The following ITPR1 variants were observed in gnomAD, a reference collection of about 807,000 sequenced individuals.
The protein encoded by ITPR1 is inositol 1,4,5-trisphosphate receptor type 1.
Under a neutral mutation model 318.4 loss-of-function variants are expected in ITPR1, and 96 were observed. The observed-to-expected ratio is 0.30, with a 90% CI of 0.26 to 0.36. ITPR1 has a LOEUF of 0.36. ITPR1 is among the 10% of genes least tolerant of loss of function. The pLI, the probability that ITPR1 is intolerant of heterozygous loss-of-function variation, is 1.00. For synonymous variants in ITPR1, 1,312 were observed against 1,289.9 expected (o/e 1.02, Z -0.37); for missense variants, 2,440 against 3,460.2 (o/e 0.71, Z 7.40).
At chr3:4,632,180 G>T (rs192763372) in intron 5 of ITPR1, among the ~76,000 whole-genome samples, 24 of 152,288 alleles carry the variant, frequency 1.6e-4, no homozygotes, top group African/African-American at 5.8e-4. Flanking sequence ...GGTGGGGAAG[G>T]TTGGTCAGTC....
At chr3:4,711,998 G>A (rs924064159) in intron 39 of ITPR1, 130 bp downstream of exon 39, 1 of 522,318 alleles carries the variant, frequency 1.9e-6, no homozygotes. Context: ...AAGAAAGAAA[G>A]AAAGAAAAAG....
At chr3:4,661,121 C>T (rs757671443) in intron 14 of ITPR1, 34 bp downstream of exon 14, 1 of 1,244,904 alleles carries the variant, frequency 8.0e-7, no homozygotes, top group Admixed American at 1.7e-5. Flanking sequence ...TCCTTTTGGT[C>T]TCGTGTTTCC....
chr3:4,628,351 T>C (rs2092906910), intron 5 of ITPR1, among the ~76,000 whole-genome samples: 1 of 152,350 alleles, frequency 6.6e-6, no homozygotes, highest in East Asian at 1.9e-4. Context: ...AAATGCTTGA[T>C]AAGTTTTGGC....
intron 37 of ITPR1, among the ~76,000 whole-genome samples, chr3:4,709,274 C>T (rs896358967): frequency 3.9e-5 from 6 of 152,114 alleles, no homozygotes; most frequent in African/African-American, 1.4e-4. Context: ...GAAAATTGCC[C>T]CACTCAAAAT....
At chr3:4,645,971 C>T (rs1355976580) in intron 10 of ITPR1, 1 of 454,430 alleles carries the variant, frequency 2.2e-6, no homozygotes, top group Non-Finnish European at 4.0e-6. Flanking sequence ...GAAGTAAGTG[C>T]ATCATGGCAT....
intron 4 of ITPR1, among the ~76,000 whole-genome samples, chr3:4,541,519 G>A (rs745349513): frequency 6.0e-5 from 9 of 149,990 alleles, no homozygotes; most frequent in Non-Finnish European, 7.5e-5. Context: ...TATGAATATA[G>A]GTGTCAGTTT....
At chr3:4,581,907 T>C (rs1387926057) in intron 4 of ITPR1, among the ~76,000 whole-genome samples, 1 of 152,056 alleles carries the variant, frequency 6.6e-6, no homozygotes, top group Non-Finnish European at 1.5e-5. Flanking sequence ...AAATAGTCTG[T>C]TTGGGTCTTG....
rs2048171307 is a variant in ITPR1, at chr3:4,800,693, A to T, written c.7107+93A>T. The T allele has an allele frequency of 3.1e-6, 4 of 1,302,886 alleles. No homozygotes were observed. The East Asian group carries it at 7.0e-5, about 23-fold the overall frequency. The allele number at this position is 1,302,886 out of a possible 1,614,324, so 80.7% of individuals were successfully genotyped here. ...TTCTAGAATCCTGGCCTGTGCTTTC[A>T]GTCCAGAAAATTATTGTTTGGGGCA... On this transcript the variant is annotated intron_variant, in intron 54 of 61. Transcript: ENST00000649015.
intron 4 of ITPR1, among the ~76,000 whole-genome samples, chr3:4,544,057 A>T (rs1347214601): frequency 1.3e-5 from 2 of 150,028 alleles, no homozygotes; most frequent in African/African-American, 4.9e-5. Context: ...CTTTTTTTTT[A>T]AGACAACAAA....
chr3:4,676,423 G>A (rs757969573), intron 23 of ITPR1, among the ~76,000 whole-genome samples, 191 bp from the exon 24 acceptor site: 1 of 152,124 alleles, frequency 6.6e-6, no homozygotes, highest in Non-Finnish European at 1.5e-5. Flanking sequence ...TGAAGCCCGT[G>A]ATCTTTCTGT....
At chr3:4,644,281 C>A in intron 8 of ITPR1, 47 bp downstream of exon 8, 2 of 1,363,930 alleles carry the variant, frequency 1.5e-6, no homozygotes, top group Admixed American at 3.9e-5. Flanking sequence ...CCTGCAGGAG[C>A]GGGTCTGGCA....
Position 4,675,129 on chromosome 3 carries a change from G to C in ITPR1, c.2660G>C (p.Arg887Pro). 6.2e-7 allele frequency: 1 copy of C among 1,607,476 alleles called. No homozygotes were observed. Among genetic ancestry groups the C allele is most frequent in the South Asian group, 1.1e-5 (1 of 90,762 alleles). ...FGFYNFSDLL[R>P]LTKILLAILD... is the part of the protein sequence containing the mutation. ...TTCTACAACTTCTCTGACCTTCTAC[G>C]ATTAACTAAGATCCTTCTGGCCATA... The change falls in exon 23 of 62, where the codon CGA (arginine) becomes CCA (proline). Residue 887 changes from arginine to proline, a missense_variant. Arg to Pro is a moderately radical substitution (Grantham distance 103). Around this residue, in one of 23 missense-constraint regions of ITPR1, gnomAD observed 478 missense variants for 696.3 expected, o/e 0.69. Coordinates refer to ENST00000649015, the MANE Select transcript of ITPR1 (RefSeq NM_001378452.1).
intron 61 of ITPR1, among the ~76,000 whole-genome samples, chr3:4,843,796 GCAT>G (rs1298938340): frequency 1.3e-5 from 2 of 152,152 alleles, no homozygotes; most frequent in African/African-American, 4.8e-5. Context: ...AACTGAGGAG[GCAT>G]CAGGCCGCGG....
At chr3:4,717,274 G>A (rs1036924580) in intron 39 of ITPR1, 93 bp from the exon 40 acceptor site, 52 of 1,097,758 alleles carry the variant, frequency 4.7e-5, no homozygotes, top group African/African-American at 1.9e-4. Context: ...AAGGAGAAAC[G>A]TCAGCAATAA....
intron 4 of ITPR1, among the ~76,000 whole-genome samples, chr3:4,597,466 G>T (rs1294587345): frequency 6.6e-6 from 1 of 152,150 alleles, no homozygotes; most frequent in Non-Finnish European, 1.5e-5. Context: ...GTAAGGAAAT[G>T]ACACAGTAAT....
At position 4,652,200 on chromosome 3, in the gene ITPR1, G is replaced by T; in HGVS notation, c.933G>T (p.Gly311=). The T allele has an allele frequency of 6.2e-7, 1 of 1,611,534 alleles. No homozygotes were observed. Among genetic ancestry groups the T allele is most frequent in the Non-Finnish European group, 8.5e-7 (1 of 1,178,828 alleles). ...SLFRFKHLAT[G]HYLAAEVDPD... The stretch of plus-strand genomic sequence containing the variant: ...TCCGTTTCAAGCATCTGGCCACGGG[G>T]CATTACTTGGCAGCAGAGGTAAGTA... Residue 311 remains glycine, a synonymous_variant, in exon 11 of 62, where the codon GGG becomes GGT. Coordinates refer to ENST00000649015, the MANE Select transcript of ITPR1 (RefSeq NM_001378452.1).
intron 41 of ITPR1, among the ~76,000 whole-genome samples, chr3:4,726,717 G>T (rs148050637): frequency 6.6e-6 from 1 of 152,186 alleles, no homozygotes; most frequent in Non-Finnish European, 1.5e-5. Flanking sequence ...CTGCTCAGAG[G>T]CGTGTGTCTT....
At chr3:4,598,598 G>A (rs1159258568) in intron 4 of ITPR1, among the ~76,000 whole-genome samples, 17 of 152,162 alleles carry the variant, frequency 1.1e-4, no homozygotes, top group Admixed American at 1.1e-3. Flanking sequence ...CTTCAGCCTG[G>A]GAGATGGAGC....
intron 44 of ITPR1, among the ~76,000 whole-genome samples, chr3:4,739,179 A>C (rs2043517307): frequency 6.6e-6 from 1 of 152,228 alleles, no homozygotes; most frequent in Non-Finnish European, 1.5e-5. Context: ...AAGTTGGTTC[A>C]GAGTAGTAAG....
Sources: allele counts gnomAD v4.1 joint callset (sites outside exome capture counted in the v4.1 genomes callset), GRCh38; gene constraint gnomAD v4.1.1; regional missense constraint gnomAD v4.1.1; transcripts MANE v1.5; gene names NCBI Gene and HGNC (gene_info 2026-07-23, HGNC 2026-07-21).